LGI2: variants seen among roughly 807,000 people sequenced by gnomAD.
LGI2 encodes the protein leucine rich repeat LGI family member 2.
A neutral mutation model predicts 52.0 loss-of-function variants in LGI2; 30 were observed. The observed-to-expected ratio is 0.58, with a 90% CI of 0.43 to 0.78. The LOEUF is 0.78. LGI2 is among the 30% of genes least tolerant of loss of function. The pLI is 0.00. For synonymous variants in LGI2, 270 were observed against 271.8 expected, an observed-to-expected ratio of 0.99 and a Z score of 0.06; for missense variants, 573 against 692.5, an observed-to-expected ratio of 0.83 and a Z score of 1.94.
chr4:25,015,603 G>A (rs1725732493), intron 6 of LGI2, among the ~76,000 whole-genome samples: 1 of 152,170 alleles, frequency 6.6e-6, no homozygotes, highest in Non-Finnish European at 1.5e-5. Flanking sequence ...ATCATATTCA[G>A]AAAATGTGCT....
intron 7 of LGI2, among the ~76,000 whole-genome samples, chr4:25,011,751 T>A (rs1725591183): frequency 6.6e-6 from 1 of 152,184 alleles, no homozygotes. Flanking sequence ...ACAGTCCACA[T>A]TCAGTAGGGC....
In LGI2 at chr4:25,003,935, G is replaced by A. The variant is rs1725325013; in HGVS notation, c.1154C>T (p.Ser385Leu). The change falls in exon 8 of 8, where the codon TCG becomes TTG. Residue 385 changes from serine (S) to leucine (L), a missense_variant. Coordinates refer to ENST00000382114, the MANE Select transcript of LGI2 (RefSeq NM_018176.4). Reference sequence around the variant, plus strand: ...GGAGCGGCTGGACAGGATGAGATGCGATTTTCCATCGATATCAACAAACTC... The same window carrying A: ...GGAGCGGCTGGACAGGATGAGATGCAATTTTCCATCGATATCAACAAACTC... ...DAEFVDIDGK[S>L]HLILSSRSQV... 8.7e-6 allele frequency: 14 copies of A among 1,614,120 alleles called. No homozygotes were observed. Among genetic ancestry groups the A allele is most frequent in the Non-Finnish European group, 1.1e-5 (13 of 1,180,012 alleles).
intron 7 of LGI2, among the ~76,000 whole-genome samples, chr4:25,006,984 G>A (rs4697083): frequency 0.38 from 57,197 of 151,956 alleles, 10,837 homozygotes; most frequent in Middle Eastern, 0.5. Flanking sequence ...TTTTTAATCT[G>A]TGCACATATT....
chr4:25,027,470 A>G (rs62409675), intron 2 of LGI2, among the ~76,000 whole-genome samples: 34,139 of 151,908 alleles, frequency 0.22, 4,626 homozygotes, highest in Middle Eastern at 0.39. Context: ...TTGAGTCATC[A>G]CCCAAGTCTA....
downstream of LGI2, among the ~76,000 whole-genome samples, chr4:24,995,637 G>A (rs1030681514): frequency 5.9e-5 from 9 of 152,232 alleles, no homozygotes; most frequent in East Asian, 1.9e-4. Context: ...ATTCTGGGAC[G>A]TCATACACCA....
At chr4:25,024,689 A>G (rs1726083794) in intron 4 of LGI2, 131 bp downstream of exon 4, 1 of 598,984 alleles carries the variant, frequency 1.7e-6, no homozygotes, top group Admixed American at 3.3e-5. Flanking sequence ...GACTGACAAC[A>G]TAGAAACCTC....
At chr4:25,023,369 T>C (rs1357310151) in intron 4 of LGI2, among the ~76,000 whole-genome samples, 1 of 152,156 alleles carries the variant, frequency 6.6e-6, no homozygotes, top group Non-Finnish European at 1.5e-5. Context: ...TGAAAAACAA[T>C]AAAGGCTTTT....
At chr4:25,020,062 C>A (rs765089236) in intron 4 of LGI2, among the ~76,000 whole-genome samples, 77 of 152,172 alleles carry the variant, frequency 5.1e-4, no homozygotes, top group Non-Finnish European at 8.4e-4. Flanking sequence ...AATGGTCCAT[C>A]TAAGTGAATT....
intron 4 of LGI2, among the ~76,000 whole-genome samples, chr4:25,020,272 T>A (rs1725913418): frequency 6.6e-6 from 1 of 152,216 alleles, no homozygotes; most frequent in African/African-American, 2.4e-5. Context: ...GTGTTAAAGA[T>A]CATTCTAAGA....
intron 2 of LGI2, among the ~76,000 whole-genome samples, chr4:25,027,693 A>C (rs1215142654): frequency 6.6e-6 from 1 of 152,242 alleles, no homozygotes; most frequent in Non-Finnish European, 1.5e-5. Flanking sequence ...TCTATAGCAC[A>C]TTGCTTGTTT....
chr4:24,999,864 T>A lies in LGI2; in HGVS notation c.*3587A>T. The A allele has an allele frequency of 2.2e-6, 1 of 456,256 alleles. No individual in the cohort carries two copies. The highest frequency in any genetic ancestry group is 4.4e-6 in the Non-Finnish European group (1 of 226,956). 28.3% of individuals were successfully genotyped at this position (456,256 alleles called of 1,614,324 possible). A position where few individuals can be genotyped will look rare whatever the true frequency, so the allele number is the denominator to read the frequency against. Reference sequence around the variant, plus strand: ...AGAGCAATTCATCACCACTCGTGCATTCAGGTTTTGAATTTTTCCTTCACA... The same window carrying A: ...AGAGCAATTCATCACCACTCGTGCAATCAGGTTTTGAATTTTTCCTTCACA... On this transcript the variant is annotated 3_prime_UTR_variant, in exon 8 of 8. Coordinates refer to ENST00000382114, the MANE Select transcript of LGI2 (RefSeq NM_018176.4).
intron 5 of LGI2, among the ~76,000 whole-genome samples, 166 bp from the exon 6 acceptor site, chr4:25,018,324 T>C (rs555608800): frequency 6.6e-6 from 1 of 152,348 alleles, no homozygotes; most frequent in Admixed American, 6.5e-5. Context: ...GTTTCTTGTA[T>C]CTATCATTGA....
intron 3 of LGI2, 67 bp from the exon 4 acceptor site, chr4:25,024,958 G>T: frequency 9.5e-7 from 1 of 1,050,562 alleles, no homozygotes; most frequent in Non-Finnish European, 1.4e-6. Context: ...AACTATGTTG[G>T]TAAGCTTTCA....
At position 25,019,159 on chromosome 4, in the gene LGI2, T is replaced by C; in HGVS notation, c.485+8A>G. ...ACAAACACACATAAACTAAATTTCA[T>C]TACTTACAGTTCAATCAGAGAGTCT... On this transcript the variant is annotated splice_region_variant and intron_variant, in intron 5 of 7. Coordinates refer to ENST00000382114, the MANE Select transcript of LGI2 (RefSeq NM_018176.4). The C allele has an allele frequency of 2.6e-6, 4 of 1,557,150 alleles. No individual in the cohort carries two copies. Among genetic ancestry groups the C allele is most frequent in the Non-Finnish European group, 3.5e-6 (4 of 1,130,600 alleles).
chr4:25,030,496 C>T lies in LGI2; in HGVS notation c.197+1G>A, dbSNP rs752397164. The T allele has an allele frequency of 3.5e-5, 56 of 1,583,990 alleles. No homozygotes were observed. Among genetic ancestry groups the T allele is most frequent in the Non-Finnish European group, 4.5e-5 (53 of 1,166,910 alleles). ...ATGGGGGCTGGAGGGGTCCCACTCA[C>T]AGGGAGCTGATGTCGCCCGGCACGA... is the stretch of plus-strand genomic sequence containing the variant. On this transcript the variant is annotated splice_donor_variant, in intron 1 of 7. Transcript: ENST00000382114. LOFTEE classifies it high-confidence loss of function.
Position 25,026,919 on chromosome 4 carries a change from A to G in LGI2, c.290T>C (p.Phe97Ser). 2 of 1,613,450 alleles carry G rather than the reference A, an allele frequency of 1.2e-6. No homozygotes were observed. Among genetic ancestry groups the G allele is most frequent in the Non-Finnish European group, 1.7e-6 (2 of 1,179,334 alleles). ...AAAAGCATCATCCCGGATGATCGTG[A>G]ATGAGTTAGAATTCAGCAATCTGAA... ...LQLLLLNSNS[F>S]TIIRDDAFAG... Residue 97 changes from phenylalanine to serine, a missense_variant, in exon 3 of 8, where the codon TTC (phenylalanine) becomes TCC (serine). By Grantham distance (155) the Phe-to-Ser change is radical (BLOSUM62 -2). Coordinates refer to ENST00000382114, the MANE Select transcript of LGI2 (RefSeq NM_018176.4).
rs1989817229 is a variant in LGI2, at chr4:25,030,657, G to GCAGCAT, written c.36_37insATGCTG (p.Gly12_Leu13insMetLeu). ...GCGGCGCCCAGCAGCAGCAGCAGCA[G>GCAGCAT]CCCGAGCGCTCCGCAGCCGCCTCTC... On this transcript the variant is annotated inframe_insertion, in exon 1 of 8. Transcript: ENST00000382114. 1 of 1,529,080 alleles carries GCAGCAT rather than the reference G, an allele frequency of 6.5e-7. No homozygotes were observed. The highest frequency in any genetic ancestry group is 1.2e-5 in the South Asian group (1 of 82,770). 94.7% of individuals were successfully genotyped at this position (1,529,080 alleles called of 1,614,324 possible). A position where few individuals can be genotyped will look rare whatever the true frequency, so the allele number is the denominator to read the frequency against.
At position 25,003,264 on chromosome 4, in the gene LGI2, A is replaced by G. The variant is rs544826236; in HGVS notation, c.*187T>C. The G allele has an allele frequency of 1.9e-6, 1 of 526,616 alleles. No homozygotes were observed. Among genetic ancestry groups the G allele is most frequent in the South Asian group, 3.2e-5 (1 of 30,916 alleles). 32.6% of individuals were successfully genotyped at this position (526,616 alleles called of 1,614,324 possible). On this transcript the variant is annotated 3_prime_UTR_variant, in exon 8 of 8. Transcript: ENST00000382114. Reference sequence around the variant, plus strand: ...TTTTAAATGGTAGAATGGGCATGTCATGCAGTTAGCCAATAAATGCAATCC... The same window carrying G: ...TTTTAAATGGTAGAATGGGCATGTCGTGCAGTTAGCCAATAAATGCAATCC...
chr4:25,009,461 A>G lies in LGI2; in HGVS notation c.820+2874T>C, dbSNP rs186532334. On this transcript the variant is annotated intron_variant, in intron 7 of 7. Coordinates refer to ENST00000382114, the MANE Select transcript of LGI2 (RefSeq NM_018176.4). The stretch of plus-strand genomic sequence containing the variant: ...CCCAAGCCTTCAAATCTTCCCACAC[A>G]CAGTACTCCACATCTTCCTTCTTCA... Among the ~76,000 whole-genome samples, 685 of 151,960 alleles carry G rather than the reference A, an allele frequency of 4.5e-3. 9 individuals are homozygous for G. Among genetic ancestry groups the G allele is most frequent in the African/African-American group, 0.016 (660 of 41,432 alleles).
Sources: gnomAD v4.1 joint callset for allele counts (sites outside exome capture counted in the v4.1 genomes callset) on GRCh38, gnomAD v4.1.1 for gene constraint, MANE v1.5 for transcripts, NCBI Gene and HGNC (gene_info 2026-07-23, HGNC 2026-07-21) for gene names.